The following ANKRD55 variants were observed in gnomAD, a reference collection of about 807,000 sequenced individuals.
ANKRD55 encodes ankyrin repeat domain-containing protein 55.
In ANKRD55, 41 loss-of-function variants were observed where a neutral mutation model predicts 60.6. The observed-to-expected ratio is 0.68, with a 90% CI of 0.53 to 0.88. ANKRD55 has a LOEUF of 0.88. Among genes scored for constraint, ANKRD55 ranks in the 40% least tolerant of loss-of-function variants. The pLI, the probability that ANKRD55 is intolerant of heterozygous loss-of-function variation, is 0.00. For synonymous variants in ANKRD55, 264 were observed against 290.3 expected, an observed-to-expected ratio of 0.91 and a Z score of 0.92; for missense variants, 732 against 767.6, an observed-to-expected ratio of 0.95 and a Z score of 0.55.
At chr5:56,193,234 C>A in intron 2 of ANKRD55, 1 of 1,028,302 alleles carries the variant, frequency 9.7e-7, no homozygotes, top group Non-Finnish European at 1.4e-6. Context: ...GCATTTAAAA[C>A]AGACAAGTGT....
At chr5:56,161,858 G>A (rs570541814) in intron 5 of ANKRD55, 116 of 460,724 alleles carry the variant, frequency 2.5e-4, no homozygotes, top group African/African-American at 2.4e-3. Flanking sequence ...TCTAGATGTA[G>A]CCTTTGGTAG....
chr5:56,173,604 A>ATC (rs1758669971), intron 4 of ANKRD55, among the ~76,000 whole-genome samples: 1 of 132,436 alleles, frequency 7.6e-6, no homozygotes, highest in Non-Finnish European at 1.6e-5. Flanking sequence ...ATATATATAT[A>ATC]TATCTTGGCT....
At chr5:56,173,591 T>TAC (rs2111818300) in intron 4 of ANKRD55, among the ~76,000 whole-genome samples, 1 of 134,846 alleles carries the variant, frequency 7.4e-6, no homozygotes, top group South Asian at 2.3e-4. Context: ...TCTATATATA[T>TAC]ATATATATAT....
rs567976603 is a variant in ANKRD55, at chr5:56,215,597, G to T, written c.58+17259C>A. ...TAGGTGTCAGAAAGGGGTTGATTGGGTGGACTGTCAGAATCTAGAAAGTAT... is the reference window on the plus strand; with the variant it reads ...TAGGTGTCAGAAAGGGGTTGATTGGTTGGACTGTCAGAATCTAGAAAGTAT... On this transcript the variant is annotated intron_variant, in intron 2 of 11. Coordinates refer to ENST00000341048, the MANE Select transcript of ANKRD55 (RefSeq NM_024669.3). Among the ~76,000 whole-genome samples, 11 of 152,344 alleles carry T rather than the reference G, an allele frequency of 7.2e-5. No homozygotes were observed. The East Asian group carries it at 1.7e-3, about 24-fold the overall frequency.
At chr5:56,102,431 T>G (rs1756310779) in intron 11 of ANKRD55, 63 bp downstream of exon 11, 9 of 1,169,378 alleles carry the variant, frequency 7.7e-6, no homozygotes, top group Non-Finnish European at 1.1e-5. Flanking sequence ...GGAAATAACA[T>G]TTAGTTGTGT....
intron 4 of ANKRD55, among the ~76,000 whole-genome samples, chr5:56,174,157 A>G (rs941183818): frequency 1.3e-5 from 2 of 152,164 alleles, no homozygotes; most frequent in African/African-American, 2.4e-5. Flanking sequence ...TGCAGCCCTT[A>G]GAATATATTC....
intron 2 of ANKRD55, among the ~76,000 whole-genome samples, chr5:56,210,050 C>A (rs1292204147): frequency 6.6e-6 from 1 of 151,996 alleles, no homozygotes; most frequent in Admixed American, 6.5e-5. Flanking sequence ...TTCTGTCGCC[C>A]AGGCTGGAGT....
intron 9 of ANKRD55, among the ~76,000 whole-genome samples, chr5:56,112,511 A>AAAAAAAAAAAAAACAAAAAAAAAAAAAC: frequency 1.2e-5 from 1 of 81,528 alleles, no homozygotes; most frequent in African/African-American, 5.4e-5. Flanking sequence ...TAGCAAAAAA[A>AAAAAAAAAAAAAACAAAAAAAAAAAAAC]AAAAAAAAAA....
chr5:56,225,167 G>C (rs935482593), intron 2 of ANKRD55, among the ~76,000 whole-genome samples: 1 of 152,156 alleles, frequency 6.6e-6, no homozygotes, highest in African/African-American at 2.4e-5. Context: ...TGGGATGCAA[G>C]GCTGCTTCAA....
At chr5:56,213,117 C>A (rs1330922772) in intron 2 of ANKRD55, among the ~76,000 whole-genome samples, 1 of 152,062 alleles carries the variant, frequency 6.6e-6, no homozygotes, top group Non-Finnish European at 1.5e-5. Flanking sequence ...TAGTCCTAGA[C>A]AGGAGGACTA....
intron 6 of ANKRD55, among the ~76,000 whole-genome samples, chr5:56,148,564 T>G (rs1478172355): frequency 6.6e-6 from 1 of 152,200 alleles, no homozygotes; most frequent in East Asian, 1.9e-4. Context: ...TTTGGAACAG[T>G]GTCTTGTGTT....
At chr5:56,205,762 C>T (rs936727946) in intron 2 of ANKRD55, among the ~76,000 whole-genome samples, 4 of 152,054 alleles carry the variant, frequency 2.6e-5, no homozygotes, top group African/African-American at 9.7e-5. Context: ...CCTTGGTCTC[C>T]TGAAAATAGT....
chr5:56,125,048 G>T (rs146607712), intron 8 of ANKRD55, among the ~76,000 whole-genome samples: 31 of 152,142 alleles, frequency 2.0e-4, no homozygotes, highest in African/African-American at 7.5e-4. Flanking sequence ...CTAGAGAATT[G>T]GATTTTCTTT....
intron 4 of ANKRD55, among the ~76,000 whole-genome samples, chr5:56,174,992 A>T (rs1758708988): frequency 6.6e-6 from 1 of 152,104 alleles, no homozygotes; most frequent in Non-Finnish European, 1.5e-5. Context: ...AGTTCTGATA[A>T]CCCTCTACCA....
At chr5:56,150,521 T>C (rs909046205) in intron 6 of ANKRD55, among the ~76,000 whole-genome samples, 1 of 151,930 alleles carries the variant, frequency 6.6e-6, no homozygotes, top group African/African-American at 2.4e-5. Flanking sequence ...GGAGAGTCAC[T>C]TGAGCCTGGG....
At chr5:56,173,397 C>T (rs1475551127) in intron 4 of ANKRD55, among the ~76,000 whole-genome samples, 1 of 151,392 alleles carries the variant, frequency 6.6e-6, no homozygotes, top group Admixed American at 6.6e-5. Context: ...GGGGTTTCAC[C>T]ATGTTGCCCA....
At chr5:56,162,683 T>TG (rs1452722250) in intron 5 of ANKRD55, among the ~76,000 whole-genome samples, 1 of 151,522 alleles carries the variant, frequency 6.6e-6, no homozygotes, top group African/African-American at 2.4e-5. Flanking sequence ...ATTTTTTTTT[T>TG]TTTTGAGACA....
intron 4 of ANKRD55, among the ~76,000 whole-genome samples, chr5:56,171,425 T>G (rs1758609240): frequency 6.6e-6 from 1 of 152,212 alleles, no homozygotes; most frequent in South Asian, 2.1e-4. Context: ...TGAGACCTGA[T>G]ATGGCCACAT....
At chr5:56,217,825 G>A (rs1315813293) in intron 2 of ANKRD55, among the ~76,000 whole-genome samples, 4 of 151,956 alleles carry the variant, frequency 2.6e-5, no homozygotes, top group African/African-American at 9.7e-5. Flanking sequence ...GAACCCAGGC[G>A]GCAGAACTTG....
Sources: gnomAD v4.1 joint callset for allele counts (sites outside exome capture counted in the v4.1 genomes callset) on GRCh38, gnomAD v4.1.1 for gene constraint, MANE v1.5 for transcripts, NCBI Gene and HGNC (gene_info 2026-07-23, HGNC 2026-07-21) for gene names.